ZNF875: variants seen among roughly 807,000 people sequenced by gnomAD.
ZNF875 encodes the protein HKR1, GLI-Kruppel zinc finger family member.
A neutral mutation model predicts 11.2 loss-of-function variants in ZNF875; 14 were observed. The observed-to-expected ratio is 1.26, with a 90% CI of 0.83 to 1.96. The LOEUF is 1.96. Among genes scored for constraint, ZNF875 ranks in the 30% most tolerant of loss-of-function variants. ZNF875 has a pLI of 0.00. For synonymous variants in ZNF875, 301 were observed against 281.1 expected (o/e 1.07, Z -0.71); for missense variants, 752 against 760.4 (o/e 0.99, Z 0.13).
In ZNF875 at chr19:37,341,741, A is replaced by C. The variant is rs192054215; in HGVS notation, c.34-5449A>C. Among the ~76,000 whole-genome samples, 22 of 152,348 alleles carry C rather than the reference A, an allele frequency of 1.4e-4. No individual in the cohort carries two copies. The East Asian group carries it at 4.2e-3, about 29-fold the overall frequency. ...AAGTTTCATCTTGATTCAAAAGTCC[A>C]GTATCTTATGTGTAACAGTCTGGAT... On this transcript the variant is annotated intron_variant, in intron 2 of 4. Coordinates refer to ENST00000392153, the MANE Select transcript of ZNF875 (RefSeq NM_001353803.2).
At chr19:37,327,479 T>C (rs1414435868) in intron 4 of ZNF875, among the ~76,000 whole-genome samples, 9 of 152,064 alleles carry the variant, frequency 5.9e-5, no homozygotes, top group Non-Finnish European at 1.3e-4. Context: ...CGGAATTTCA[T>C]ATTCAGGGGC....
At chr19:37,340,333 T>C (rs1372550911) in intron 2 of ZNF875, among the ~76,000 whole-genome samples, 1 of 152,184 alleles carries the variant, frequency 6.6e-6, no homozygotes, top group Admixed American at 6.5e-5. Context: ...CTGTGCAGAT[T>C]TTGATTACCG....
At chr19:37,359,804 G>T in intron 4 of ZNF875, 1 of 159,192 alleles carries the variant, frequency 6.3e-6, no homozygotes, top group South Asian at 1.5e-4. Flanking sequence ...TGAATTGTAA[G>T]AATTTTTAGT....
chr19:37,363,484 G>A lies in ZNF875; in HGVS notation c.1632G>A (p.Arg544=), dbSNP rs372754007. ...FMCRECGRRF[R]QKPNLFRHKR... ...GCAGGGAGTGTGGCAGAAGGTTTCG[G>A]CAGAAGCCTAACCTGTTTAGGCACA... is the stretch of plus-strand genomic sequence containing the variant. The change falls in exon 5 of 5, where the codon CGG becomes CGA. Residue 544 remains arginine, a synonymous_variant. Coordinates refer to ENST00000392153, the MANE Select transcript of ZNF875 (RefSeq NM_001353803.2). 1 of 1,612,912 alleles carries A rather than the reference G, an allele frequency of 6.2e-7. No homozygotes were observed. The highest frequency in any genetic ancestry group is 8.5e-7 in the Non-Finnish European group (1 of 1,179,514).
intron 4 of ZNF875, among the ~76,000 whole-genome samples, chr19:37,360,867 A>G (rs2039779127): frequency 6.6e-6 from 1 of 152,040 alleles, no homozygotes; most frequent in Non-Finnish European, 1.5e-5. Context: ...TTTTTATGCT[A>G]TCGTGAATAG....
At chr19:37,325,550 CTT>C (rs34494440) in intron 4 of ZNF875, among the ~76,000 whole-genome samples, 5 of 146,408 alleles carry the variant, frequency 3.4e-5, no homozygotes, top group African/African-American at 2.5e-5. Context: ...AAATCATTTA[CTT>C]TTTTTTTTTT....
At position 37,347,229 on chromosome 19, in the gene ZNF875, C is replaced by G; in HGVS notation, c.73C>G (p.Gln25Glu). The change falls in exon 3 of 5, where the codon CAG becomes GAG. Residue 25 changes from glutamine (Q) to glutamate (E), a missense_variant. Gln to Glu is a conservative substitution (Grantham distance 29). Transcript: ENST00000392153. ...AFRDVAVYFT[Q>E]EEWRLLSPAQ... ...CAGGGATGTGGCTGTGTACTTCACC[C>G]AGGAGGAGTGGAGGTTGTTGAGCCC... 1.2e-6 allele frequency: 2 copies of G among 1,614,092 alleles called. No homozygotes were observed. The highest frequency in any genetic ancestry group is 1.7e-6 in the Non-Finnish European group (2 of 1,179,988).
chr19:37,348,815 T>C (rs988714217), intron 4 of ZNF875, among the ~76,000 whole-genome samples: 2 of 152,200 alleles, frequency 1.3e-5, no homozygotes, highest in Non-Finnish European at 2.9e-5. Flanking sequence ...ATAGGACAGC[T>C]GAGTAAAAGA....
chr19:37,354,664 C>T (rs530647234), intron 4 of ZNF875, among the ~76,000 whole-genome samples: 4 of 152,144 alleles, frequency 2.6e-5, no homozygotes, highest in African/African-American at 7.2e-5. Context: ...AATTTAATTG[C>T]CAGTTTAACG....
chr19:37,348,442 C>T (rs2037246265), intron 4 of ZNF875, among the ~76,000 whole-genome samples: 1 of 152,174 alleles, frequency 6.6e-6, no homozygotes, highest in South Asian at 2.1e-4. Flanking sequence ...TTGTAATTCT[C>T]ATGCATGGCT....
chr19:37,356,894 T>G (rs1016582086), intron 4 of ZNF875, among the ~76,000 whole-genome samples: 2 of 152,218 alleles, frequency 1.3e-5, no homozygotes, highest in Non-Finnish European at 2.9e-5. Flanking sequence ...TCATAAGTTC[T>G]TTGCCTTGGC....
chr19:37,339,900 A>G (rs974415395), intron 2 of ZNF875, among the ~76,000 whole-genome samples: 5 of 151,808 alleles, frequency 3.3e-5, no homozygotes, highest in Non-Finnish European at 5.9e-5. Context: ...TGAACTTCCA[A>G]TTACTTCTTT....
chr19:37,351,196 T>C (rs186649705), intron 4 of ZNF875, among the ~76,000 whole-genome samples: 59 of 152,362 alleles, frequency 3.9e-4, no homozygotes, highest in Non-Finnish European at 7.1e-4. Flanking sequence ...TTAATTAATT[T>C]GTCCACTTAA....
upstream of ZNF875, chr19:37,315,430 T>C (rs1443511355): frequency 6.6e-6 from 1 of 152,240 alleles, no homozygotes; most frequent in Non-Finnish European, 1.5e-5. Flanking sequence ...TTGGGAACAG[T>C]CACAGAATGT....
chr19:37,343,105 G>A (rs933072111), intron 2 of ZNF875, among the ~76,000 whole-genome samples: 4 of 152,130 alleles, frequency 2.6e-5, no homozygotes, highest in Non-Finnish European at 5.9e-5. Flanking sequence ...TTGGGAGGCC[G>A]AGGCGGGCGG....
At chr19:37,360,065 C>T (rs1461398954) in intron 4 of ZNF875, among the ~76,000 whole-genome samples, 2 of 152,190 alleles carry the variant, frequency 1.3e-5, no homozygotes, top group African/African-American at 2.4e-5. Context: ...TTAGCTCTTA[C>T]ATTTAGAGCT....
chr19:37,363,879 T>C lies in ZNF875; in HGVS notation c.*104T>C. On this transcript the variant is annotated 3_prime_UTR_variant, in exon 5 of 5. Coordinates refer to ENST00000392153, the MANE Select transcript of ZNF875 (RefSeq NM_001353803.2). ...GTGCTGTGGCTTTTTCAGCCATTGC[T>C]AGATACCAAAGTGGAGACATTCTGT... 1.1e-6 allele frequency: 1 copy of C among 890,652 alleles called. No individual in the cohort carries two copies. The highest frequency in any genetic ancestry group is 1.6e-5 in the South Asian group (1 of 62,178). 55.2% of individuals were successfully genotyped at this position (890,652 alleles called of 1,614,324 possible). A position where few individuals can be genotyped will look rare whatever the true frequency, so the allele number is the denominator to read the frequency against.
At position 37,362,479 on chromosome 19, in the gene ZNF875, G is replaced by A; in HGVS notation, c.627G>A (p.Glu209=). The A allele has an allele frequency of 6.2e-7, 1 of 1,614,156 alleles. No homozygotes were observed. The highest frequency in any genetic ancestry group is 8.5e-7 in the Non-Finnish European group (1 of 1,180,036). The change falls in exon 5 of 5, where the codon GAG becomes GAA. Residue 209 remains glutamate (E), a synonymous_variant. Transcript: ENST00000392153. ...GSSPERRADL[E]ETDKVLHGLE... Reference sequence around the variant, plus strand: ...GCCCTGAACGGAGGGCAGATCTAGAGGAAACAGACAAAGTATTGCATGGTT... The same window carrying A: ...GCCCTGAACGGAGGGCAGATCTAGAAGAAACAGACAAAGTATTGCATGGTT...
In ZNF875 at chr19:37,334,714, C is replaced by G. The variant is rs544041391; in HGVS notation, c.-125C>G. On this transcript the variant is annotated 5_prime_UTR_variant, in exon 1 of 5. Coordinates refer to ENST00000392153, the MANE Select transcript of ZNF875 (RefSeq NM_001353803.2). ...CCCGGGAAGGCCTCCCTCTTAAGGT[C>G]TTTCCCACACCTCTGCACCTTGTTA... 2.2e-6 allele frequency: 1 copy of G among 456,104 alleles called. No individual in the cohort carries two copies. The highest frequency in any genetic ancestry group is 7.0e-5 in the East Asian group (1 of 14,380). The allele number at this position is 456,104 out of a possible 1,614,324, so 28.3% of individuals were successfully genotyped here.
Sources: allele counts gnomAD v4.1 joint callset (sites outside exome capture counted in the v4.1 genomes callset), GRCh38; gene constraint gnomAD v4.1.1; transcripts MANE v1.5; gene names NCBI Gene and HGNC (gene_info 2026-07-23, HGNC 2026-07-21).